Variants in MYO5A observed in about 807,000 individuals in gnomAD.
The protein encoded by MYO5A is unconventional myosin-Va.
Under a neutral mutation model 249.7 loss-of-function variants are expected in MYO5A, and 98 were observed. The observed-to-expected ratio is 0.39, with a 90% CI of 0.33 to 0.46. MYO5A has a LOEUF of 0.46. Ranked by LOEUF, MYO5A falls within the 20% of genes least tolerant of loss-of-function variation. MYO5A has a pLI of 0.98. For missense variants in MYO5A, 1,696 were observed against 2,308.8 expected (o/e 0.73, Z 5.44); for synonymous variants, 778 against 810.6 (o/e 0.96, Z 0.68).
chr15:52,327,789 A>G, intron 36 of MYO5A, 63 bp downstream of exon 36: 1 of 1,471,576 alleles, frequency 6.8e-7, no homozygotes, highest in East Asian at 2.3e-5. Flanking sequence ...AGGAAGATCA[A>G]TCAGTGCAGA....
intron 34 of MYO5A, chr15:52,331,717 A>G (rs1006364031): frequency 3.2e-5 from 32 of 985,308 alleles, no homozygotes; most frequent in Non-Finnish European, 3.7e-5. Flanking sequence ...GCTCTTGCTT[A>G]TGTGGCATGG....
chr15:52,390,967 C>T (rs80069179), intron 12 of MYO5A, among the ~76,000 whole-genome samples: 2,185 of 152,154 alleles, frequency 0.014, 46 homozygotes, highest in African/African-American at 0.05. Flanking sequence ...TTTATGGCTA[C>T]TAGGTTGTTA....
chr15:52,389,332 T>G lies in MYO5A; in HGVS notation c.1574A>C (p.Gln525Pro). The G allele has an allele frequency of 6.2e-7, 1 of 1,613,082 alleles. No homozygotes were observed. Among genetic ancestry groups the G allele is most frequent in the Non-Finnish European group, 8.5e-7 (1 of 1,179,124 alleles). ...GTTCAAATGTGTGTTGTACAATTTTTGGGCCCAGGTGTCATCTGTGCCTTT... is the reference window on the plus strand; with the variant it reads ...GTTCAAATGTGTGTTGTACAATTTTGGGGCCCAGGTGTCATCTGTGCCTTT... ...MPKGTDDTWA[Q>P]KLYNTHLNKC... Residue 525 changes from glutamine to proline, a missense_variant, in exon 13 of 42, where the codon CAA (glutamine) becomes CCA (proline). Coordinates refer to ENST00000399233, the MANE Select transcript of MYO5A (RefSeq NM_001382347.1).
chr15:52,404,408 T>C (rs2042907208), intron 9 of MYO5A, among the ~76,000 whole-genome samples: 1 of 152,144 alleles, frequency 6.6e-6, no homozygotes, highest in South Asian at 2.1e-4. Flanking sequence ...AAATAGATTC[T>C]TTTCTTACAG....
intron 5 of MYO5A, among the ~76,000 whole-genome samples, chr15:52,413,793 A>T (rs58043289): frequency 0.15 from 22,668 of 152,128 alleles, 1,810 homozygotes; most frequent in Middle Eastern, 0.22. Flanking sequence ...TCTTAATCCA[A>T]ATTCTTATAG....
At chr15:52,378,848 C>A (rs559337952) in intron 18 of MYO5A, among the ~76,000 whole-genome samples, 2 of 152,140 alleles carry the variant, frequency 1.3e-5, no homozygotes, top group Non-Finnish European at 2.9e-5. Context: ...TTGGGCCCAA[C>A]CTCAGACCTA....
At chr15:52,333,642 C>T (rs1374029953) in intron 34 of MYO5A, among the ~76,000 whole-genome samples, 1 of 152,146 alleles carries the variant, frequency 6.6e-6, no homozygotes. Context: ...AATTTTGAAA[C>T]ACTCTCCATT....
chr15:52,398,278 C>A (rs1365741332), intron 9 of MYO5A, among the ~76,000 whole-genome samples: 1 of 152,138 alleles, frequency 6.6e-6, no homozygotes, highest in Non-Finnish European at 1.5e-5. Flanking sequence ...CCTGTACCCC[C>A]TAGAATATCT....
At chr15:52,385,805 T>C (rs959752510) in intron 14 of MYO5A, among the ~76,000 whole-genome samples, 1 of 152,174 alleles carries the variant, frequency 6.6e-6, no homozygotes, top group Non-Finnish European at 1.5e-5. Context: ...TTGATACTCC[T>C]AGATTGGGTT....
chr15:52,389,422 G>T (rs1595577802), intron 12 of MYO5A, 59 bp from the exon 13 acceptor site: 2 of 1,512,404 alleles, frequency 1.3e-6, no homozygotes, highest in Non-Finnish European at 1.8e-6. Context: ...TTCCTCTAAA[G>T]CATCAGCTGT....
Position 52,367,117 on chromosome 15 carries a change from G to T in MYO5A, c.3074C>A (p.Ser1025Ter), listed in dbSNP as rs770893574. The change falls in exon 23 of 42, where the codon TCA (serine) becomes TAA (stop). Residue 1025 changes from serine (S) to a stop codon, truncating the protein, a stop_gained. Coordinates refer to ENST00000399233, the MANE Select transcript of MYO5A (RefSeq NM_001382347.1). LOFTEE classifies it high-confidence loss of function. ...RYKQETEQLV[S>*]NLKEENTLLK... ...CAAAGTATTTTCTTCCTTCAGATTT[G>T]ATACCAGCTACGAAATGAAACAATA... 2 of 1,612,976 alleles carry T rather than the reference G, an allele frequency of 1.2e-6. No individual in the cohort carries two copies. The highest frequency in any genetic ancestry group is 2.2e-5 in the South Asian group (2 of 91,048).
intron 25 of MYO5A, 44 bp from the exon 26 acceptor site, chr15:52,354,058 A>G: frequency 6.2e-7 from 1 of 1,610,188 alleles, no homozygotes; most frequent in Non-Finnish European, 8.5e-7. Context: ...AAGCCAGAAG[A>G]CATAAAAGCC....
chr15:52,317,018 A>G, intron 40 of MYO5A, 30 bp downstream of exon 40: 1 of 1,601,378 alleles, frequency 6.2e-7, no homozygotes, highest in Non-Finnish European at 8.6e-7. Context: ...TGAATGTTAA[A>G]TTATTTTGTA....
intron 1 of MYO5A, among the ~76,000 whole-genome samples, chr15:52,443,417 C>A (rs930070494): frequency 2.0e-5 from 3 of 152,132 alleles, no homozygotes; most frequent in Non-Finnish European, 4.4e-5. Context: ...CTGCAAGTTA[C>A]CTTGCATATA....
chr15:52,523,075 G>A (rs1414670011), intron 1 of MYO5A, among the ~76,000 whole-genome samples: 1 of 152,194 alleles, frequency 6.6e-6, no homozygotes, highest in Non-Finnish European at 1.5e-5. Flanking sequence ...GTCAAAATTT[G>A]TGATGAAACA....
chr15:52,398,299 T>C (rs899556151), intron 9 of MYO5A, among the ~76,000 whole-genome samples: 1 of 152,224 alleles, frequency 6.6e-6, no homozygotes, highest in African/African-American at 2.4e-5. Context: ...TCCATGAGAC[T>C]TGCATGAGTA....
At chr15:52,338,039 T>A (rs1567031920) in intron 32 of MYO5A, among the ~76,000 whole-genome samples, 155 bp from the exon 33 acceptor site, 1 of 152,232 alleles carries the variant, frequency 6.6e-6, no homozygotes, top group Non-Finnish European at 1.5e-5. Flanking sequence ...ATTACCCTTT[T>A]ATCTTTCTAG....
intron 13 of MYO5A, 64 bp from the exon 14 acceptor site, chr15:52,387,976 A>G: frequency 8.6e-7 from 1 of 1,161,684 alleles, no homozygotes; most frequent in East Asian, 2.4e-5. Flanking sequence ...ATAATCATCA[A>G]TAATAAGAAT....
At chr15:52,359,919 C>G (rs2040433183) in intron 25 of MYO5A, 49 bp downstream of exon 25, 2 of 1,325,000 alleles carry the variant, frequency 1.5e-6, no homozygotes, top group Middle Eastern at 1.9e-4. Context: ...TCCTTGTTAA[C>G]AACAGCATGC....
Sources: allele counts gnomAD v4.1 joint callset (sites outside exome capture counted in the v4.1 genomes callset), GRCh38; gene constraint gnomAD v4.1.1; transcripts MANE v1.5; gene names NCBI Gene and HGNC (gene_info 2026-07-23, HGNC 2026-07-21).